Variants in KIRREL3 observed in about 807,000 individuals in gnomAD.
KIRREL3 encodes the protein kirre like nephrin family adhesion molecule 3.
A neutral mutation model predicts 89.7 loss-of-function variants in KIRREL3; 36 were observed. That is an observed-to-expected ratio of 0.40 (90% CI 0.31 to 0.53). KIRREL3 has a LOEUF of 0.53. Among genes scored for constraint, KIRREL3 ranks in the 20% least tolerant of loss-of-function variants. The probability of loss-of-function intolerance (pLI) is 0.49; values close to 1 mark genes in which losing one functional copy is unlikely to be tolerated. For missense variants in KIRREL3, 864 were observed against 1,056.6 expected (o/e 0.82, Z 2.53); for synonymous variants, 445 against 441.4 (o/e 1.01, Z -0.10).
At position 126,515,518 on chromosome 11, in the gene KIRREL3, A is replaced by G. The variant is rs991103225; in HGVS notation, c.433+5797T>C. Among the ~76,000 whole-genome samples the G allele has an allele frequency of 6.6e-6, 1 of 152,212 alleles. No individual in the cohort carries two copies. The highest frequency in any genetic ancestry group is 1.5e-5 in the Non-Finnish European group (1 of 68,040). ...AGTCAGGCCATGTGGGCTCCAGAGA[A>G]GGCTTCCTGGAGGAGGAGTTGTCTG... is the stretch of plus-strand genomic sequence containing the variant. On this transcript the variant is annotated intron_variant, in intron 4 of 16. Coordinates refer to ENST00000525144, the MANE Select transcript of KIRREL3 (RefSeq NM_032531.4). This position sits in a 1 kb window ranked among gnomAD's most constrained non-coding sequence, Gnocchi z 4.2.
rs921094763 is a variant in KIRREL3 at position 126,498,902 on chromosome 11, C to T, written c.433+22413G>A. ...CTGTGTGGGCCAGGTGCAGTGGGTC[C>T]GCCTGTAATCCCAGCACTTTGGGAG... On this transcript the variant is annotated intron_variant, in intron 4 of 16. Coordinates refer to ENST00000525144, the MANE Select transcript of KIRREL3 (RefSeq NM_032531.4). This position sits in a 1 kb window ranked among gnomAD's most constrained non-coding sequence, Gnocchi z 4.3. Among the ~76,000 whole-genome samples the T allele has an allele frequency of 5.9e-5, 9 of 152,190 alleles. No homozygotes were observed. The South Asian group carries it at 8.3e-4, about 14-fold the overall frequency.
At chr11:126,941,733 T>A (rs1381717928) in intron 1 of KIRREL3, among the ~76,000 whole-genome samples, 1 of 152,230 alleles carries the variant, frequency 6.6e-6, no homozygotes, top group Non-Finnish European at 1.5e-5. Flanking sequence ...GTGGGCTGGA[T>A]GAAGGGTGCT....
chr11:126,448,909 C>G, intron 8 of KIRREL3, 100 bp downstream of exon 8: 1 of 1,270,220 alleles, frequency 7.9e-7, no homozygotes, highest in Non-Finnish European at 1.1e-6. Context: ...ACGCATGAAG[C>G]TTGTGTTGTG....
At chr11:126,717,429 C>T (rs1948008989) in intron 1 of KIRREL3, among the ~76,000 whole-genome samples, 1 of 152,236 alleles carries the variant, frequency 6.6e-6, no homozygotes, top group South Asian at 2.1e-4. Flanking sequence ...GATAGAATGT[C>T]CCAGCTGTTG....
At chr11:126,933,990 C>G (rs1343555518) in intron 1 of KIRREL3, among the ~76,000 whole-genome samples, 1 of 62,170 alleles carries the variant, frequency 1.6e-5, no homozygotes, top group Non-Finnish European at 3.0e-5. Flanking sequence ...TGCAAAGGAT[C>G]TGGAAAAGAC....
At position 126,985,555 on chromosome 11, in the gene KIRREL3, A is replaced by G. The variant is rs1949841197; in HGVS notation, c.55+14900T>C. ...GCAAAAGGAGCTGAGTCTTTAGGGT[A>G]GAAGTTATCTAGACTAACCTGGGGG... On this transcript the variant is annotated intron_variant, in intron 1 of 16. Coordinates refer to ENST00000525144, the MANE Select transcript of KIRREL3 (RefSeq NM_032531.4). This position sits in a 1 kb window ranked among gnomAD's most constrained non-coding sequence, Gnocchi z 5.3. 2.0e-5 allele frequency among the ~76,000 whole-genome samples: 3 copies of G among 152,156 alleles called. No individual in the cohort carries two copies. The highest frequency in any genetic ancestry group is 7.2e-5 in the African/African-American group (3 of 41,426).
intron 2 of KIRREL3, among the ~76,000 whole-genome samples, chr11:126,545,187 C>A (rs1591711871): frequency 6.6e-6 from 1 of 152,110 alleles, no homozygotes; most frequent in Non-Finnish European, 1.5e-5. Flanking sequence ...ATCTCTTCAT[C>A]TCGGGAGAAG....
chr11:126,771,958 C>A lies in KIRREL3; in HGVS notation c.56-209046G>T, dbSNP rs536919557. ...GGCTAGATCCTAATGCCCTCGAATG[C>A]AGTCCAGCTTTCCTAAATGCCTCCT... On this transcript the variant is annotated intron_variant, in intron 1 of 16. Transcript: ENST00000525144. This position sits in a 1 kb window ranked among gnomAD's most constrained non-coding sequence, Gnocchi z 4.4. 6.6e-6 allele frequency among the ~76,000 whole-genome samples: 1 copy of A among 152,296 alleles called. No homozygotes were observed. Among genetic ancestry groups the A allele is most frequent in the East Asian group, 1.9e-4 (1 of 5,168 alleles).
Position 126,817,300 on chromosome 11 carries a change from A to T in KIRREL3, c.55+183155T>A, listed in dbSNP as rs1951605886. ...ATGAGGATTTGCCTGAGTCAGAATG[A>T]GTTTCCAAGGAAAGAGGATGCAGTG... On this transcript the variant is annotated intron_variant, in intron 1 of 16. Transcript: ENST00000525144. The surrounding 1 kb of genome is among the most constrained non-coding windows in gnomAD (Gnocchi z 5.7). Among the ~76,000 whole-genome samples the T allele has an allele frequency of 6.6e-6, 1 of 152,148 alleles. No homozygotes were observed. Among genetic ancestry groups the T allele is most frequent in the Non-Finnish European group, 1.5e-5 (1 of 68,034 alleles).
intron 7 of KIRREL3, among the ~76,000 whole-genome samples, chr11:126,456,146 C>T (rs1344751543): frequency 1.4e-5 from 2 of 143,224 alleles, no homozygotes; most frequent in Non-Finnish European, 3.0e-5. Flanking sequence ...TGGAAGAGGG[C>T]GCGTGCACGC....
intron 1 of KIRREL3, among the ~76,000 whole-genome samples, chr11:126,849,115 T>A (rs1029841296): frequency 5.3e-5 from 8 of 152,030 alleles, no homozygotes; most frequent in Admixed American, 2.0e-4. Flanking sequence ...AAGAGGCAGG[T>A]CATAAAGACC....
At chr11:126,760,325 A>G (rs186093380) in intron 1 of KIRREL3, among the ~76,000 whole-genome samples, 96 of 152,378 alleles carry the variant, frequency 6.3e-4, no homozygotes, top group African/African-American at 2.1e-3. Context: ...GTGGGAGTAG[A>G]GATGAGAACT....
intron 4 of KIRREL3, among the ~76,000 whole-genome samples, chr11:126,505,958 A>G (rs1958002353): frequency 6.6e-6 from 1 of 152,222 alleles, no homozygotes; most frequent in African/African-American, 2.4e-5. Context: ...GACTAGTCCT[A>G]AAATTCATAT....
chr11:126,586,344 T>C (rs1396013498), intron 1 of KIRREL3, among the ~76,000 whole-genome samples: 1 of 152,122 alleles, frequency 6.6e-6, no homozygotes, highest in East Asian at 1.9e-4. Flanking sequence ...GGTAATTAGG[T>C]AATCCAGCTC....
At position 126,954,167 on chromosome 11, in the gene KIRREL3, G is replaced by A. The variant is rs1202404963; in HGVS notation, c.55+46288C>T. ...GTGGGGGGTGGTATTGAGGTATTGA[G>A]GTCATCACTTATAGGTAAGTACTGG... On this transcript the variant is annotated intron_variant, in intron 1 of 16. Coordinates refer to ENST00000525144, the MANE Select transcript of KIRREL3 (RefSeq NM_032531.4). The surrounding 1 kb of genome is among the most constrained non-coding windows in gnomAD (Gnocchi z 4.1). Among the ~76,000 whole-genome samples, 1 of 151,742 alleles carries A rather than the reference G, an allele frequency of 6.6e-6. No individual in the cohort carries two copies. The highest frequency in any genetic ancestry group is 2.4e-5 in the African/African-American group (1 of 41,250).
In KIRREL3 at chr11:126,624,212, CG is replaced by C. The variant is rs1943688320; in HGVS notation, c.56-61301del. ...AGGGAGCCAGGGGGTGGCGGTGTGG[CG>C]GGGAGGAGGCCAGAATGAAAGATAG... On this transcript the variant is annotated intron_variant, in intron 1 of 16. Coordinates refer to ENST00000525144, the MANE Select transcript of KIRREL3 (RefSeq NM_032531.4). This position sits in a 1 kb window ranked among gnomAD's most constrained non-coding sequence, Gnocchi z 6.0. Among the ~76,000 whole-genome samples the C allele has an allele frequency of 1.3e-5, 2 of 151,922 alleles. No homozygotes were observed. The highest frequency in any genetic ancestry group is 1.3e-4 in the Admixed American group (2 of 15,262).
intron 6 of KIRREL3, among the ~76,000 whole-genome samples, chr11:126,458,135 C>G (rs1956433410): frequency 6.6e-6 from 1 of 152,200 alleles, no homozygotes; most frequent in Non-Finnish European, 1.5e-5. Flanking sequence ...AGCCCAGGAC[C>G]TCATCCCCAT....
intron 1 of KIRREL3, among the ~76,000 whole-genome samples, chr11:126,616,775 G>C (rs1943369815): frequency 6.6e-6 from 1 of 152,206 alleles, no homozygotes; most frequent in Non-Finnish European, 1.5e-5. Flanking sequence ...CCAAGTAGCT[G>C]AGACTACAGG....
chr11:126,779,032 G>C (rs750245969), intron 1 of KIRREL3, among the ~76,000 whole-genome samples: 9 of 152,190 alleles, frequency 5.9e-5, no homozygotes, highest in African/African-American at 2.2e-4. Flanking sequence ...GCTGTGCTTA[G>C]AGCCCTATCA....
Sources: gnomAD v4.1 joint callset for allele counts (sites outside exome capture counted in the v4.1 genomes callset) on GRCh38, gnomAD v4.1.1 for gene constraint, Gnocchi (gnomAD v3.1) non-coding constraint, MANE v1.5 for transcripts, NCBI Gene and HGNC (gene_info 2026-07-23, HGNC 2026-07-21) for gene names.